KCNAB1: variants seen among roughly 807,000 people sequenced by gnomAD.
KCNAB1 encodes the protein voltage-gated potassium channel subunit beta-1.
Under a neutral mutation model 64.6 loss-of-function variants are expected in KCNAB1, and 35 were observed. The observed-to-expected ratio is 0.54, with a 90% CI of 0.41 to 0.72. The LOEUF (loss-of-function observed/expected upper bound fraction) is 0.72. Among genes scored for constraint, KCNAB1 ranks in the 30% least tolerant of loss-of-function variants. KCNAB1 has a pLI of 0.00. For synonymous variants in KCNAB1, 177 were observed against 183.8 expected (o/e 0.96, Z 0.30); for missense variants, 401 against 512.9 (o/e 0.78, Z 2.11).
intron 1 of KCNAB1, among the ~76,000 whole-genome samples, chr3:156,379,205 T>C (rs1490756182): frequency 6.6e-6 from 1 of 152,214 alleles, no homozygotes; most frequent in Non-Finnish European, 1.5e-5. Context: ...GCTTGGTTGA[T>C]TTAACAAATA....
chr3:156,408,380 G>A (rs944267630), intron 1 of KCNAB1, among the ~76,000 whole-genome samples: 4 of 152,274 alleles, frequency 2.6e-5, no homozygotes, highest in Admixed American at 1.3e-4. Context: ...GGACCCTGGC[G>A]CATTACCTAA....
At chr3:156,438,300 C>G (rs1008003959) in intron 2 of KCNAB1, among the ~76,000 whole-genome samples, 1 of 152,186 alleles carries the variant, frequency 6.6e-6, no homozygotes, top group Non-Finnish European at 1.5e-5. Flanking sequence ...AGGGCAGATG[C>G]CACTTTTGAT....
At chr3:156,285,560 C>T (rs1246903977) in intron 1 of KCNAB1, among the ~76,000 whole-genome samples, 1 of 152,204 alleles carries the variant, frequency 6.6e-6, no homozygotes, top group Non-Finnish European at 1.5e-5. Flanking sequence ...AGTGCAGTGG[C>T]GTGACTCTTG....
chr3:156,197,089 T>C (rs1576596274), intron 1 of KCNAB1, among the ~76,000 whole-genome samples: 1 of 152,216 alleles, frequency 6.6e-6, no homozygotes, highest in Non-Finnish European at 1.5e-5. Flanking sequence ...GCTCTGTTTA[T>C]GTGATGGATT....
intron 1 of KCNAB1, among the ~76,000 whole-genome samples, chr3:156,402,593 T>C (rs1713983134): frequency 6.6e-6 from 1 of 152,178 alleles, no homozygotes; most frequent in Non-Finnish European, 1.5e-5. Context: ...ATTCAAAATG[T>C]GTTTTGTTTA....
intron 1 of KCNAB1, among the ~76,000 whole-genome samples, chr3:156,311,725 G>C (rs1721917369): frequency 1.3e-5 from 2 of 152,326 alleles, no homozygotes; most frequent in Admixed American, 6.5e-5. Flanking sequence ...GTGTGAGAGA[G>C]AGAAGAAGCA....
intron 1 of KCNAB1, among the ~76,000 whole-genome samples, chr3:156,380,294 T>C (rs1290263833): frequency 1.3e-5 from 2 of 152,228 alleles, no homozygotes; most frequent in Admixed American, 6.5e-5. Flanking sequence ...ATATTCACCA[T>C]GTTCTCCTCC....
chr3:156,300,251 C>T lies in KCNAB1; in HGVS notation c.276-121365C>T, dbSNP rs771015956. On this transcript the variant is annotated intron_variant, in intron 1 of 13. Transcript: ENST00000490337. ...ACAAAATTCCTCTTTGCAATTGACT[C>T]GGCTTCTTTAAAGCTGCATCGGAAA... Among the ~76,000 whole-genome samples the T allele has an allele frequency of 2.2e-4, 34 of 152,172 alleles. 1 individual carries two copies. The highest frequency in any genetic ancestry group is 7.2e-4 in the African/African-American group (30 of 41,438).
At chr3:156,438,306 T>C (rs963838211) in intron 2 of KCNAB1, among the ~76,000 whole-genome samples, 3 of 152,230 alleles carry the variant, frequency 2.0e-5, no homozygotes, top group African/African-American at 7.2e-5. Flanking sequence ...GATGCCACTT[T>C]TGATGACCAA....
chr3:156,312,444 C>A (rs1246940823), intron 1 of KCNAB1, among the ~76,000 whole-genome samples: 2 of 152,252 alleles, frequency 1.3e-5, no homozygotes, highest in African/African-American at 4.8e-5. Flanking sequence ...GTGGCTATGT[C>A]AAATATTTCA....
chr3:156,265,557 A>T (rs972785245), intron 1 of KCNAB1, among the ~76,000 whole-genome samples: 1 of 152,192 alleles, frequency 6.6e-6, no homozygotes, highest in Non-Finnish European at 1.5e-5. Context: ...TGTCCCTGGG[A>T]AAAGGGCCTC....
chr3:156,261,491 C>T (rs1217488696), intron 1 of KCNAB1, among the ~76,000 whole-genome samples: 3 of 151,840 alleles, frequency 2.0e-5, no homozygotes, highest in African/African-American at 4.8e-5. Context: ...TTTTTTGAAA[C>T]GATTATGCTT....
intron 8 of KCNAB1, among the ~76,000 whole-genome samples, chr3:156,475,996 G>T (rs957823097): frequency 1.3e-5 from 2 of 152,036 alleles, no homozygotes; most frequent in Non-Finnish European, 2.9e-5. Context: ...CAGTATCAGC[G>T]TGGGAAATTT....
chr3:156,414,324 C>T (rs1459960016), intron 1 of KCNAB1, among the ~76,000 whole-genome samples: 1 of 152,134 alleles, frequency 6.6e-6, no homozygotes, highest in Non-Finnish European at 1.5e-5. Context: ...ATAAAATACA[C>T]AGGATCCCAG....
At chr3:156,416,387 AT>A (rs1331401940) in intron 1 of KCNAB1, among the ~76,000 whole-genome samples, 1 of 152,024 alleles carries the variant, frequency 6.6e-6, no homozygotes, top group African/African-American at 2.4e-5. Flanking sequence ...TCAATTACCC[AT>A]GCTTCTTCCA....
chr3:156,144,156 T>C (rs1281245357), intron 1 of KCNAB1, among the ~76,000 whole-genome samples: 1 of 152,160 alleles, frequency 6.6e-6, no homozygotes, highest in Non-Finnish European at 1.5e-5. Context: ...CGCCTGGAGT[T>C]TTAAACAGCC....
At chr3:156,230,125 A>G (rs992582594) in intron 1 of KCNAB1, among the ~76,000 whole-genome samples, 1 of 152,188 alleles carries the variant, frequency 6.6e-6, no homozygotes, top group Admixed American at 6.5e-5. Context: ...AAGTTTCTTA[A>G]TGGCTGCACC....
At chr3:156,391,239 A>G (rs1241201002) in intron 1 of KCNAB1, among the ~76,000 whole-genome samples, 1 of 152,202 alleles carries the variant, frequency 6.6e-6, no homozygotes. Flanking sequence ...GCCTTGGGCA[A>G]GTTACTTAAC....
At chr3:156,504,736 G>GTTTTTTTTTTTTT (rs1553756361) in intron 8 of KCNAB1, among the ~76,000 whole-genome samples, 2 of 105,846 alleles carry the variant, frequency 1.9e-5, no homozygotes, top group Non-Finnish European at 4.0e-5. Context: ...TACTTGTTTT[G>GTTTTTTTTTTTTT]TTTTTGTTTT....
Sources: gnomAD v4.1 joint callset for allele counts (sites outside exome capture counted in the v4.1 genomes callset) on GRCh38, gnomAD v4.1.1 for gene constraint, MANE v1.5 for transcripts, NCBI Gene and HGNC (gene_info 2026-07-23, HGNC 2026-07-21) for gene names.